Variants in SLC45A2 observed in about 807,000 individuals in gnomAD.
SLC45A2 encodes the protein solute carrier family 45 member 2.
SLC45A2 carries 36 observed loss-of-function variants against 45.5 expected under a neutral mutation model. The observed-to-expected ratio is 0.79, with a 90% CI of 0.61 to 1.04. The LOEUF (loss-of-function observed/expected upper bound fraction) is 1.04. Ranked by LOEUF, SLC45A2 falls within the 50% of genes least tolerant of loss-of-function variation. The probability of loss-of-function intolerance (pLI) is 0.00; values close to 1 mark genes in which losing one functional copy is unlikely to be tolerated. For synonymous variants in SLC45A2, 306 were observed against 269.3 expected (o/e 1.14, Z -1.33); for missense variants, 719 against 671.0 (o/e 1.07, Z -0.79).
At chr5:33,978,923 G>C (rs889627576) in intron 2 of SLC45A2, among the ~76,000 whole-genome samples, 1 of 152,142 alleles carries the variant, frequency 6.6e-6, no homozygotes, top group Non-Finnish European at 1.5e-5. Context: ...CTAAGAGCCT[G>C]AATGAAGGTA....
At chr5:33,982,857 A>C (rs73077151) in intron 1 of SLC45A2, among the ~76,000 whole-genome samples, 49 of 152,364 alleles carry the variant, frequency 3.2e-4, no homozygotes, top group African/African-American at 1.2e-3. Flanking sequence ...ATTCTATTAA[A>C]AAAGCTGAGG....
intron 2 of SLC45A2, among the ~76,000 whole-genome samples, chr5:33,973,337 C>T (rs1398285251): frequency 1.3e-5 from 2 of 152,166 alleles, no homozygotes; most frequent in African/African-American, 4.8e-5. Flanking sequence ...GCTGAAATCC[C>T]TGTATCCTTG....
intron 2 of SLC45A2, among the ~76,000 whole-genome samples, chr5:33,973,190 G>A (rs1402054481): frequency 3.3e-5 from 5 of 152,176 alleles, no homozygotes; most frequent in Non-Finnish European, 7.4e-5. Context: ...GGAGGACAAA[G>A]TCCCCCAGAT....
At chr5:33,956,456 T>G (rs200997623) in intron 3 of SLC45A2, among the ~76,000 whole-genome samples, 2 of 31,504 alleles carry the variant, frequency 6.3e-5, no homozygotes, top group African/African-American at 9.4e-5. Context: ...ATGACAACAG[T>G]TTTTTTGGGG....
chr5:33,979,662 TACAA>T (rs1302206419), intron 2 of SLC45A2, among the ~76,000 whole-genome samples: 3 of 152,316 alleles, frequency 2.0e-5, no homozygotes, highest in Admixed American at 6.5e-5. Context: ...ACCTAATTGC[TACAA>T]ACAGTCTGTT....
chr5:33,954,961 G>A (rs1752232081), intron 3 of SLC45A2, among the ~76,000 whole-genome samples: 1 of 152,148 alleles, frequency 6.6e-6, no homozygotes, highest in African/African-American at 2.4e-5. Flanking sequence ...ATTATGTGCT[G>A]TTACATGGCA....
At chr5:33,968,447 C>T (rs1371620817) in intron 2 of SLC45A2, among the ~76,000 whole-genome samples, 1 of 152,174 alleles carries the variant, frequency 6.6e-6, no homozygotes, top group Non-Finnish European at 1.5e-5. Context: ...CATTAGATAA[C>T]AAGCTTTTAC....
At chr5:33,969,505 G>T (rs1244887000) in intron 2 of SLC45A2, among the ~76,000 whole-genome samples, 4 of 152,072 alleles carry the variant, frequency 2.6e-5, no homozygotes, top group African/African-American at 7.2e-5. Flanking sequence ...TTTAAGCTGG[G>T]CCAGGATGCC....
intron 2 of SLC45A2, chr5:33,972,395 A>G (rs1752810901): frequency 8.2e-6 from 3 of 367,418 alleles, no homozygotes; most frequent in South Asian, 7.8e-5. Context: ...AAGATTAGAC[A>G]CGTTGAAAAT....
chr5:33,954,259 C>G, intron 4 of SLC45A2, 102 bp downstream of exon 4: 1 of 1,526,062 alleles, frequency 6.6e-7, no homozygotes, highest in Non-Finnish European at 9.0e-7. Context: ...TTCCTACATT[C>G]TTACTGTGCC....
At chr5:33,976,058 C>T (rs920460307) in intron 2 of SLC45A2, among the ~76,000 whole-genome samples, 12 of 152,198 alleles carry the variant, frequency 7.9e-5, no homozygotes, top group African/African-American at 2.4e-4. Context: ...CCAGCAGACA[C>T]GTACTCCCAG....
intron 3 of SLC45A2, among the ~76,000 whole-genome samples, chr5:33,961,846 G>A (rs568975148): frequency 6.6e-6 from 1 of 152,170 alleles, no homozygotes; most frequent in Admixed American, 6.5e-5. Context: ...AAGACGGGGG[G>A]TATTAGTGTT....
At chr5:33,950,925 C>T (rs896637408) in intron 5 of SLC45A2, among the ~76,000 whole-genome samples, 2 of 152,314 alleles carry the variant, frequency 1.3e-5, no homozygotes, top group South Asian at 4.1e-4. Context: ...CTGTGCAATG[C>T]CCTGGAGTTA....
In SLC45A2 at chr5:33,984,469, TG is replaced by T; in HGVS notation, c.114del (p.His38GlnfsTer19). 5 of 1,613,768 alleles carry T rather than the reference TG, an allele frequency of 3.1e-6. No homozygotes were observed. The highest frequency in any genetic ancestry group is 4.2e-6 in the Non-Finnish European group (5 of 1,180,032). ...AACTCTCTTCCGAACATGGCCATGC[TG>T]TGCATGATGAGTCTGCTGGTGGGTC... ...PKRPTSRLIM[H>X]SMAMFGREFC... On this transcript the variant is annotated frameshift_variant, in exon 1 of 7. Coordinates refer to ENST00000296589, the MANE Select transcript of SLC45A2 (RefSeq NM_016180.5). LOFTEE classifies it high-confidence loss of function.
At chr5:33,946,705 A>G (rs1334228597) in intron 6 of SLC45A2, 1 of 1,053,470 alleles carries the variant, frequency 9.5e-7, no homozygotes, top group African/African-American at 1.7e-5. Context: ...TCCTACCCTC[A>G]GCAAATAATG....
intron 2 of SLC45A2, among the ~76,000 whole-genome samples, chr5:33,973,711 G>A (rs1471436696): frequency 1.3e-5 from 2 of 152,214 alleles, no homozygotes; most frequent in African/African-American, 4.8e-5. Context: ...AGGATGTAAT[G>A]GGGCAAGTTT....
At chr5:33,947,596 A>AT (rs937897833) in intron 5 of SLC45A2, among the ~76,000 whole-genome samples, 4 of 152,074 alleles carry the variant, frequency 2.6e-5, no homozygotes, top group African/African-American at 4.8e-5. Flanking sequence ...TGGTAGGCTG[A>AT]TTTTTTTTCT....
chr5:33,951,259 C>A, intron 5 of SLC45A2: 1 of 593,562 alleles, frequency 1.7e-6, no homozygotes, highest in Non-Finnish European at 2.7e-6. Context: ...TGCTGGGACT[C>A]ATCCATCCAA....
intron 2 of SLC45A2, among the ~76,000 whole-genome samples, chr5:33,978,002 C>T (rs1752978946): frequency 6.6e-6 from 1 of 152,076 alleles, no homozygotes; most frequent in African/African-American, 2.4e-5. Context: ...GACTGGAGAA[C>T]AGTTAAAGGA....
Sources: gnomAD v4.1 joint callset for allele counts (sites outside exome capture counted in the v4.1 genomes callset) on GRCh38, gnomAD v4.1.1 for gene constraint, MANE v1.5 for transcripts, NCBI Gene and HGNC (gene_info 2026-07-23, HGNC 2026-07-21) for gene names.